Variants in FAAH2 observed in about 807,000 individuals in gnomAD.
The protein encoded by FAAH2 is fatty-acid amide hydrolase 2.
Under a neutral mutation model 36.9 loss-of-function variants are expected in FAAH2, and 60 were observed. The ratio of observed to expected loss-of-function variants is 1.63; its 90% confidence interval spans 1.32 to 2.02. FAAH2 has a LOEUF of 2.02. FAAH2 is among the 30% of genes most tolerant of loss of function. FAAH2 has a pLI of 0.00. For synonymous variants in FAAH2, 214 were observed against 143.8 expected, an observed-to-expected ratio of 1.49 and a Z score of -3.49; for missense variants, 689 against 397.5, an observed-to-expected ratio of 1.73 and a Z score of -6.23.
At chrX:57,403,458 G>A (rs2055489305) in intron 7 of FAAH2, among the ~76,000 whole-genome samples, 1 of 112,616 alleles carries the variant, frequency 8.9e-6, no homozygotes, top group Admixed American at 9.3e-5. Flanking sequence ...TTGCACTCAG[G>A]GGCGAGTTCT....
intron 7 of FAAH2, among the ~76,000 whole-genome samples, chrX:57,427,479 A>G (rs2056190758): frequency 8.9e-6 from 1 of 111,893 alleles, no homozygotes; most frequent in Non-Finnish European, 1.9e-5. Flanking sequence ...CCAATATCCC[A>G]GATAAACATA....
At chrX:57,303,004 T>C (rs2052420174) in intron 2 of FAAH2, among the ~76,000 whole-genome samples, 1 of 111,433 alleles carries the variant, frequency 9.0e-6, no homozygotes, top group Non-Finnish European at 1.9e-5. Flanking sequence ...TTTATCAACC[T>C]TCCCTTGGAA....
chrX:57,346,516 A>G (rs1331197372), intron 5 of FAAH2, among the ~76,000 whole-genome samples: 1 of 111,894 alleles, frequency 8.9e-6, no homozygotes, highest in Non-Finnish European at 1.9e-5. Flanking sequence ...GTGTTGTTAC[A>G]TGTGAGAGAA....
intron 10 of FAAH2, among the ~76,000 whole-genome samples, chrX:57,461,642 A>T (rs960270156): frequency 2.7e-5 from 3 of 111,329 alleles, no homozygotes; most frequent in African/African-American, 9.8e-5. Context: ...TCTGGGACAC[A>T]GCTGAAGCAG....
chrX:57,165,145 A>T, the FAAH2 span, among the ~76,000 whole-genome samples: 1 of 112,411 alleles, frequency 8.9e-6, no homozygotes, highest in South Asian at 3.7e-4. Flanking sequence ...TTCCTCATGG[A>T]TCTAGAACTG....
the FAAH2 span, among the ~76,000 whole-genome samples, chrX:57,244,461 G>C: frequency 1.8e-5 from 2 of 111,581 alleles, no homozygotes; most frequent in Admixed American, 9.5e-5. Flanking sequence ...CACCAAGGGT[G>C]AAATGAAGGA....
intron 10 of FAAH2, among the ~76,000 whole-genome samples, chrX:57,462,363 A>C (rs1271357182): frequency 9.0e-6 from 1 of 110,589 alleles, no homozygotes; most frequent in Admixed American, 9.7e-5. Flanking sequence ...AAAAACAGAA[A>C]ATTTCAGGCC....
At chrX:57,347,062 G>A (rs907387242) in intron 5 of FAAH2, among the ~76,000 whole-genome samples, 4 of 110,906 alleles carry the variant, frequency 3.6e-5, no homozygotes, top group African/African-American at 9.8e-5. Flanking sequence ...ATCTTGTATA[G>A]TACCTAGCTG....
chrX:57,150,087 T>C, the FAAH2 span, among the ~76,000 whole-genome samples: 1 of 112,436 alleles, frequency 8.9e-6, no homozygotes, highest in African/African-American at 3.2e-5. Context: ...CGTTTCTTAA[T>C]CCTGAGTTCT....
rs749986408 is a variant in FAAH2 at position 57,286,982 on chromosome X, G to T, written c.157G>T (p.Gly53Trp). 8.3e-7 allele frequency: 1 copy of T among 1,200,118 alleles called. No homozygotes were observed. Among genetic ancestry groups the T allele is most frequent in the Non-Finnish European group, 1.1e-6 (1 of 889,445 alleles). Residue 53 changes from glycine to tryptophan, a missense_variant, in exon 1 of 11, where the codon GGG becomes TGG. Gly to Trp is a radical substitution (Grantham distance 184, BLOSUM62 -2). Coordinates refer to ENST00000374900, the MANE Select transcript of FAAH2 (RefSeq NM_174912.4). ...PVTEPLLLLS[G>W]MQLAKLIRQR... ...GACTGAACCATTGCTTCTGCTTTCG[G>T]GGATGCAGCTGGCCAAGCTGATCCG...
intron 4 of FAAH2, among the ~76,000 whole-genome samples, chrX:57,337,268 G>GGA (rs2053576001): frequency 1.7e-5 from 1 of 60,498 alleles, no homozygotes; most frequent in Non-Finnish European, 3.2e-5. Context: ...CCTACCAATC[G>GGA]AAAAAAAAAA....
At chrX:57,351,854 A>C (rs2054005678) in intron 5 of FAAH2, among the ~76,000 whole-genome samples, 1 of 105,037 alleles carries the variant, frequency 9.5e-6, no homozygotes, top group Non-Finnish European at 2.0e-5. Flanking sequence ...AAACAAGCCA[A>C]GAATGGATTA....
intron 5 of FAAH2, among the ~76,000 whole-genome samples, chrX:57,373,459 G>A (rs770057262): frequency 3.7e-4 from 40 of 109,206 alleles, no homozygotes; most frequent in African/African-American, 1.3e-3. Flanking sequence ...GTTTTGATTT[G>A]CATTTCCCTG....
the FAAH2 span, among the ~76,000 whole-genome samples, chrX:57,153,985 G>A: frequency 8.9e-6 from 1 of 112,016 alleles, no homozygotes; most frequent in Admixed American, 9.4e-5. Context: ...TTCTTCCTGA[G>A]GAACTCCAAT....
chrX:57,431,780 TTTTTTTG>T, intron 7 of FAAH2, 131 bp from the exon 8 acceptor site: 2 of 303,829 alleles, frequency 6.6e-6, no homozygotes, highest in Non-Finnish European at 8.6e-6. Flanking sequence ...TGTTTTTTTG[TTTTTTTG>T]TTTTTTTTGG....
At chrX:57,178,812 G>A in the FAAH2 span, among the ~76,000 whole-genome samples, 1 of 111,862 alleles carries the variant, frequency 8.9e-6, no homozygotes. Context: ...GCTAGCAGCA[G>A]CTACTTGGGT....
At chrX:57,316,731 GATAA>G (rs1359033247) in intron 3 of FAAH2, among the ~76,000 whole-genome samples, 1 of 111,080 alleles carries the variant, frequency 9.0e-6, no homozygotes, top group Non-Finnish European at 1.9e-5. Flanking sequence ...ACTCAAAATA[GATAA>G]ATATTTAAAT....
the FAAH2 span, among the ~76,000 whole-genome samples, chrX:57,238,371 T>A: frequency 1.8e-5 from 2 of 111,806 alleles, no homozygotes; most frequent in East Asian, 5.6e-4. Context: ...CTGGAAGCCA[T>A]TATCCTTAGC....
intron 7 of FAAH2, among the ~76,000 whole-genome samples, chrX:57,402,158 G>T (rs1451160686): frequency 8.9e-6 from 1 of 112,153 alleles, no homozygotes; most frequent in African/African-American, 3.2e-5. Context: ...GGCACCCTCA[G>T]TCCTGCTGCT....
Sources: allele counts gnomAD v4.1 joint callset (sites outside exome capture counted in the v4.1 genomes callset), GRCh38; gene constraint gnomAD v4.1.1; transcripts MANE v1.5; gene names NCBI Gene and HGNC (gene_info 2026-07-23, HGNC 2026-07-21).